EYS: variants seen among roughly 807,000 people sequenced by gnomAD.
EYS encodes the protein protein eyes shut homolog.
In EYS, 250 loss-of-function variants were observed where a neutral mutation model predicts 282.1. That is an observed-to-expected ratio of 0.89 (90% CI 0.80 to 0.98). The LOEUF is 0.98. Ranked by LOEUF, EYS falls within the 50% of genes least tolerant of loss-of-function variation. The pLI is 0.00. For synonymous variants in EYS, 1,355 were observed against 1,282.9 expected, an observed-to-expected ratio of 1.06 and a Z score of -1.20; for missense variants, 4,016 against 3,709.0, an observed-to-expected ratio of 1.08 and a Z score of -2.15.
chr6:64,215,971 G>A (rs1765915549), intron 31 of EYS, among the ~76,000 whole-genome samples: 1 of 152,140 alleles, frequency 6.6e-6, no homozygotes, highest in African/African-American at 2.4e-5. Flanking sequence ...AAGAACATTG[G>A]CGGGCATGGG....
At chr6:64,553,543 TG>T (rs1765150268) in intron 26 of EYS, among the ~76,000 whole-genome samples, 2 of 72,894 alleles carry the variant, frequency 2.7e-5, no homozygotes, top group African/African-American at 6.4e-5. Context: ...GACTTTTGTT[TG>T]ACCCCCCCCC....
intron 35 of EYS, among the ~76,000 whole-genome samples, chr6:63,937,541 C>T (rs934371749): frequency 4.6e-5 from 7 of 150,924 alleles, no homozygotes; most frequent in Admixed American, 1.3e-4. Flanking sequence ...CCACCACGAC[C>T]GGTTAATTTT....
At chr6:65,472,092 A>G (rs182930435) in intron 5 of EYS, among the ~76,000 whole-genome samples, 364 of 152,234 alleles carry the variant, frequency 2.4e-3, no homozygotes, top group African/African-American at 8.5e-3. Context: ...TCATATTGTC[A>G]GTTTCCATGC....
intron 26 of EYS, among the ~76,000 whole-genome samples, chr6:64,572,568 T>C (rs942687270): frequency 6.6e-5 from 10 of 152,278 alleles, no homozygotes; most frequent in African/African-American, 2.4e-4. Flanking sequence ...ATTAGCAAAT[T>C]TGGCAAATAC....
intron 22 of EYS, among the ~76,000 whole-genome samples, chr6:64,630,532 T>C (rs937373643): frequency 3.3e-5 from 5 of 152,196 alleles, no homozygotes; most frequent in Non-Finnish European, 7.3e-5. Context: ...AAATGATACA[T>C]GATATGATAA....
intron 31 of EYS, among the ~76,000 whole-genome samples, chr6:64,229,091 G>C (rs543546707): frequency 6.6e-6 from 1 of 152,100 alleles, no homozygotes; most frequent in East Asian, 1.9e-4. Context: ...CCTGGCTAAC[G>C]TGGTGAAATC....
chr6:64,181,688 A>C (rs1243727183), intron 31 of EYS, among the ~76,000 whole-genome samples: 1 of 152,120 alleles, frequency 6.6e-6, no homozygotes, highest in Non-Finnish European at 1.5e-5. Context: ...GTAGCATCCC[A>C]GTCCACTAAA....
At chr6:64,207,524 T>G (rs1030439045) in intron 31 of EYS, among the ~76,000 whole-genome samples, 3 of 152,166 alleles carry the variant, frequency 2.0e-5, no homozygotes, top group Non-Finnish European at 4.4e-5. Context: ...AGCTAATGCA[T>G]TACCTCAGTC....
At chr6:65,600,739 G>A (rs1326277281) in intron 2 of EYS, among the ~76,000 whole-genome samples, 2 of 151,766 alleles carry the variant, frequency 1.3e-5, no homozygotes, top group African/African-American at 4.8e-5. Flanking sequence ...ATATAATTAT[G>A]TTAGTTGCAT....
chr6:64,503,888 C>G (rs1302307752), intron 26 of EYS, among the ~76,000 whole-genome samples: 2 of 152,120 alleles, frequency 1.3e-5, no homozygotes, highest in Non-Finnish European at 2.9e-5. Context: ...TCAGTGAGTT[C>G]TCACAAGATC....
intron 31 of EYS, among the ~76,000 whole-genome samples, chr6:64,101,011 G>C (rs1057098137): frequency 3.9e-5 from 6 of 151,940 alleles, no homozygotes; most frequent in Non-Finnish European, 8.8e-5. Context: ...TGCTGGCCTT[G>C]AAATCCTATA....
chr6:64,521,347 C>T (rs1479722019), intron 26 of EYS, among the ~76,000 whole-genome samples: 1 of 151,746 alleles, frequency 6.6e-6, no homozygotes, highest in Admixed American at 6.6e-5. Context: ...GGTATCTCAG[C>T]TGCATCTGGT....
chr6:64,116,108 T>G (rs1773374250), intron 31 of EYS, among the ~76,000 whole-genome samples: 1 of 152,092 alleles, frequency 6.6e-6, no homozygotes, highest in East Asian at 1.9e-4. Flanking sequence ...CAGAATTCAA[T>G]TAATGAAATA....
At chr6:64,548,959 G>C (rs1052048380) in intron 26 of EYS, among the ~76,000 whole-genome samples, 10 of 152,168 alleles carry the variant, frequency 6.6e-5, no homozygotes, top group Admixed American at 5.2e-4. Context: ...CCAAGGAACA[G>C]CGTCTACAGT....
intron 36 of EYS, among the ~76,000 whole-genome samples, chr6:63,861,687 T>C (rs1436641133): frequency 6.6e-6 from 1 of 152,090 alleles, no homozygotes; most frequent in Admixed American, 6.6e-5. Flanking sequence ...AATGGGGTCT[T>C]TGAGAGGTGA....
chr6:64,395,770 A>C (rs146061630), intron 28 of EYS, among the ~76,000 whole-genome samples: 2,028 of 149,314 alleles, frequency 0.014, 23 homozygotes, highest in Non-Finnish European at 0.023. Flanking sequence ...GTACCCTAAA[A>C]CTTAAAGTAT....
At chr6:63,905,425 G>C (rs897158188) in intron 35 of EYS, among the ~76,000 whole-genome samples, 10 of 150,330 alleles carry the variant, frequency 6.7e-5, no homozygotes, top group African/African-American at 2.2e-4. Flanking sequence ...TGCCTCCCAG[G>C]TTCACGCCAT....
At chr6:65,120,123 G>T (rs1170763658) in intron 12 of EYS, among the ~76,000 whole-genome samples, 15 of 145,366 alleles carry the variant, frequency 1.0e-4, no homozygotes, top group Admixed American at 7.6e-4. Context: ...CTGCACTCCA[G>T]CCTGGGTGAC....
chr6:65,462,751 A>T (rs1764864365), intron 5 of EYS, among the ~76,000 whole-genome samples: 2 of 152,064 alleles, frequency 1.3e-5, no homozygotes, highest in African/African-American at 4.8e-5. Flanking sequence ...CTCTCACAAT[A>T]GATATTTAAA....
Sources: allele counts gnomAD v4.1 joint callset (sites outside exome capture counted in the v4.1 genomes callset), GRCh38; gene constraint gnomAD v4.1.1; transcripts MANE v1.5; gene names NCBI Gene and HGNC (gene_info 2026-07-23, HGNC 2026-07-21).